The following DPYD variants were observed in gnomAD, a reference collection of about 807,000 sequenced individuals.
DPYD encodes the protein dihydropyrimidine dehydrogenase.
Under a neutral mutation model 116.2 loss-of-function variants are expected in DPYD, and 109 were observed. The ratio of observed to expected loss-of-function variants is 0.94; its 90% confidence interval spans 0.80 to 1.10. The LOEUF (loss-of-function observed/expected upper bound fraction) is 1.10, where lower values mean the gene tolerates loss of function less well. DPYD is among the 50% of genes least tolerant of loss of function. The pLI, the probability that DPYD is intolerant of heterozygous loss-of-function variation, is 0.00. For missense variants in DPYD, 1,302 were observed against 1,254.5 expected, an observed-to-expected ratio of 1.04 and a Z score of -0.57; for synonymous variants, 440 against 432.0, an observed-to-expected ratio of 1.02 and a Z score of -0.23.
chr1:97,464,283 T>TAAAGA (rs1364994259), intron 13 of DPYD, among the ~76,000 whole-genome samples: 2 of 116,074 alleles, frequency 1.7e-5, no homozygotes, highest in Non-Finnish European at 1.9e-5. Flanking sequence ...TAAAATAAAA[T>TAAAGA]AAAGAAAAGA....
At chr1:97,675,016 T>C (rs1286858417) in intron 8 of DPYD, among the ~76,000 whole-genome samples, 1 of 152,224 alleles carries the variant, frequency 6.6e-6, no homozygotes, top group Non-Finnish European at 1.5e-5. Flanking sequence ...TTTATTTTAA[T>C]GCAGTGTGAA....
intron 8 of DPYD, among the ~76,000 whole-genome samples, chr1:97,600,031 T>C (rs1311892809): frequency 2.6e-5 from 4 of 151,650 alleles, no homozygotes; most frequent in African/African-American, 7.3e-5. Context: ...GGTGACAGAG[T>C]GAGACTCTGT....
chr1:97,483,252 T>A (rs1678423253), intron 13 of DPYD, among the ~76,000 whole-genome samples: 1 of 152,328 alleles, frequency 6.6e-6, no homozygotes, highest in South Asian at 2.1e-4. Context: ...CCTATCAGAA[T>A]TTCTTTTTGG....
intron 20 of DPYD, among the ~76,000 whole-genome samples, chr1:97,169,266 T>C (rs1187586344): frequency 6.6e-6 from 1 of 152,200 alleles, no homozygotes; most frequent in African/African-American, 2.4e-5. Context: ...TTTACTTCTC[T>C]ATGGAATGGT....
chr1:97,748,425 G>A (rs1221971212), intron 3 of DPYD, among the ~76,000 whole-genome samples: 1 of 151,988 alleles, frequency 6.6e-6, no homozygotes, highest in African/African-American at 2.4e-5. Flanking sequence ...TGGCTAACAC[G>A]GTGAAACCCC....
At chr1:97,867,019 T>C (rs1671417744) in intron 2 of DPYD, among the ~76,000 whole-genome samples, 1 of 151,736 alleles carries the variant, frequency 6.6e-6, no homozygotes, top group African/African-American at 2.4e-5. Flanking sequence ...CATAATCTAT[T>C]TTAGGTTTCA....
At chr1:97,893,847 A>G (rs1368422401) in intron 1 of DPYD, among the ~76,000 whole-genome samples, 2 of 151,700 alleles carry the variant, frequency 1.3e-5, no homozygotes, top group Non-Finnish European at 2.9e-5. Flanking sequence ...ACACCACACA[A>G]CAGGTGCCTA....
chr1:97,917,033 C>T (rs944425129), intron 1 of DPYD, among the ~76,000 whole-genome samples: 4 of 152,148 alleles, frequency 2.6e-5, no homozygotes, highest in African/African-American at 9.7e-5. Flanking sequence ...GCCCACAAAA[C>T]AGCTTAAAGT....
chr1:97,262,543 A>C (rs1663956367), intron 18 of DPYD, among the ~76,000 whole-genome samples: 1 of 152,118 alleles, frequency 6.6e-6, no homozygotes, highest in African/African-American at 2.4e-5. Flanking sequence ...TTAACTTTTT[A>C]AAATTCTAAA....
intron 16 of DPYD, among the ~76,000 whole-genome samples, chr1:97,345,999 T>A (rs1669821718): frequency 6.6e-6 from 1 of 151,906 alleles, no homozygotes. Flanking sequence ...AATACATATA[T>A]TAGGTAAAGT....
At chr1:97,257,568 T>G (rs1212774022) in intron 18 of DPYD, among the ~76,000 whole-genome samples, 2 of 151,776 alleles carry the variant, frequency 1.3e-5, no homozygotes, top group African/African-American at 4.8e-5. Context: ...TATATATATT[T>G]GTGTATGTAT....
chr1:97,824,091 T>C (rs1669108780), intron 3 of DPYD, among the ~76,000 whole-genome samples: 1 of 152,160 alleles, frequency 6.6e-6, no homozygotes, highest in Non-Finnish European at 1.5e-5. Flanking sequence ...TCCATCTTCA[T>C]TTTGAATACA....
At chr1:97,510,506 G>T (rs1647708983) in intron 13 of DPYD, among the ~76,000 whole-genome samples, 1 of 151,902 alleles carries the variant, frequency 6.6e-6, no homozygotes, top group Non-Finnish European at 1.5e-5. Context: ...AAGATCATAA[G>T]ATAATGAACC....
At chr1:97,274,769 G>A (rs1294364381) in intron 18 of DPYD, among the ~76,000 whole-genome samples, 1 of 152,112 alleles carries the variant, frequency 6.6e-6, no homozygotes, top group Non-Finnish European at 1.5e-5. Context: ...GTTGCTCCAG[G>A]TTGTCAAAAA....
intron 2 of DPYD, among the ~76,000 whole-genome samples, chr1:97,866,048 A>G (rs551602384): frequency 3.5e-4 from 53 of 152,088 alleles, no homozygotes; most frequent in African/African-American, 1.1e-3. Context: ...CTCTAATTTG[A>G]TAATAGAAGA....
intron 3 of DPYD, among the ~76,000 whole-genome samples, chr1:97,815,140 C>A (rs1193048946): frequency 6.6e-6 from 1 of 151,630 alleles, no homozygotes; most frequent in Non-Finnish European, 1.5e-5. Flanking sequence ...AAGTCCAGAT[C>A]CAGATATCAC....
chr1:97,688,800 A>T (rs921279997), intron 7 of DPYD, among the ~76,000 whole-genome samples: 3 of 152,014 alleles, frequency 2.0e-5, no homozygotes, highest in Non-Finnish European at 4.4e-5. Context: ...GAAAAATTTT[A>T]AAAATACTAA....
chr1:97,095,471 T>C lies in DPYD; in HGVS notation c.2766+3018A>G, dbSNP rs149196640. On this transcript the variant is annotated intron_variant, in intron 21 of 22. Transcript: ENST00000370192. ...CAAACAAATTTTAGAGAAATTGAAG[T>C]AAAATACAAATATTAAAATCCTAAA... Among the ~76,000 whole-genome samples, 130 of 152,040 alleles carry C rather than the reference T, an allele frequency of 8.6e-4. 1 individual carries two copies. In the East Asian group the frequency reaches 0.024, roughly 28 times the overall value.
chr1:97,396,023 A>G (rs1470653229), intron 14 of DPYD, among the ~76,000 whole-genome samples: 6 of 152,036 alleles, frequency 3.9e-5, no homozygotes, highest in Non-Finnish European at 7.4e-5. Context: ...TGAATCAAGA[A>G]CTAAATTAAT....
Sources: gnomAD v4.1 joint callset for allele counts (sites outside exome capture counted in the v4.1 genomes callset) on GRCh38, gnomAD v4.1.1 for gene constraint, MANE v1.5 for transcripts, NCBI Gene and HGNC (gene_info 2026-07-23, HGNC 2026-07-21) for gene names.